Variants in GGH observed in about 807,000 individuals in gnomAD.
GGH encodes the protein gamma-Glu-X carboxypeptidase.
Under a neutral mutation model 39.2 loss-of-function variants are expected in GGH, and 18 were observed. That is an observed-to-expected ratio of 0.46 (90% CI 0.32 to 0.68). GGH has a LOEUF of 0.68. Ranked by LOEUF, GGH falls within the 30% of genes least tolerant of loss-of-function variation. GGH has a pLI of 0.04. For missense variants in GGH, 367 were observed against 384.1 expected, an observed-to-expected ratio of 0.96 and a Z score of 0.37; for synonymous variants, 147 against 138.8, an observed-to-expected ratio of 1.06 and a Z score of -0.42.
rs117723075 is a variant in GGH at position 63,019,393 on chromosome 8, G to C, written c.698-1763C>G. Among the ~76,000 whole-genome samples, 1,165 of 152,310 alleles carry C rather than the reference G, an allele frequency of 7.6e-3. 7 individuals carry two copies. The highest frequency in any genetic ancestry group is 0.012 in the Non-Finnish European group (825 of 68,026). Reference sequence around the variant, plus strand: ...ATCGGTGACAAAACCATTGCACACAGATCAGCTGCAGACAAGAGAAGAGCT... The same window carrying C: ...ATCGGTGACAAAACCATTGCACACACATCAGCTGCAGACAAGAGAAGAGCT... On this transcript the variant is annotated intron_variant, in intron 7 of 8. Transcript: ENST00000260118.
chr8:63,027,013 A>G (rs1804698883), intron 4 of GGH, 168 bp downstream of exon 4: 1 of 626,932 alleles, frequency 1.6e-6, no homozygotes, highest in South Asian at 1.8e-5. Context: ...TAGATGAAGC[A>G]CATGGAAAAT....
At chr8:63,021,405 G>A (rs2129644712) in intron 7 of GGH, among the ~76,000 whole-genome samples, 1 of 152,258 alleles carries the variant, frequency 6.6e-6, no homozygotes, top group South Asian at 2.1e-4. Flanking sequence ...TAACAAAACT[G>A]GAAAATGTTT....
intron 3 of GGH, among the ~76,000 whole-genome samples, chr8:63,029,752 C>T (rs574271813): frequency 6.6e-6 from 1 of 151,824 alleles, no homozygotes; most frequent in East Asian, 1.9e-4. Context: ...GCCTTCTTTC[C>T]TAAAATTAAG....
chr8:63,027,097 A>G (rs541905158), intron 4 of GGH, 84 bp downstream of exon 4: 2 of 776,818 alleles, frequency 2.6e-6, no homozygotes, highest in East Asian at 2.4e-5. Context: ...TGAAGGGAGC[A>G]TTACCATCTG....
At chr8:63,035,521 G>C in intron 2 of GGH, 135 bp downstream of exon 2, 1 of 1,288,916 alleles carries the variant, frequency 7.8e-7, no homozygotes, top group Non-Finnish European at 1.0e-6. Context: ...GGCCTGGCTG[G>C]TCTCGAACTC....
intron 1 of GGH, among the ~76,000 whole-genome samples, chr8:63,036,276 C>G (rs954931183): frequency 7.7e-4 from 117 of 152,162 alleles, no homozygotes; most frequent in African/African-American, 2.7e-3. Context: ...CTTAAGAAAC[C>G]CCCCCAAGCT....
intron 2 of GGH, among the ~76,000 whole-genome samples, chr8:63,034,972 C>A (rs1804874153): frequency 6.6e-6 from 1 of 152,036 alleles, no homozygotes; most frequent in South Asian, 2.1e-4. Flanking sequence ...TTTCAATGAA[C>A]CAGCCACCCG....
chr8:63,027,542 A>T (rs565182960), intron 3 of GGH, among the ~76,000 whole-genome samples: 8 of 152,208 alleles, frequency 5.3e-5, no homozygotes, highest in Non-Finnish European at 1.0e-4. Context: ...TTAAAAGTAA[A>T]TAAGTAGGGG....
intron 1 of GGH, among the ~76,000 whole-genome samples, chr8:63,037,309 G>A (rs989756614): frequency 1.6e-4 from 25 of 152,236 alleles, no homozygotes; most frequent in African/African-American, 5.3e-4. Flanking sequence ...AGTGGTACAG[G>A]GTACATGGGG....
chr8:63,035,818 G>C, intron 1 of GGH, 48 bp from the exon 2 acceptor site: 5 of 1,473,214 alleles, frequency 3.4e-6, no homozygotes, highest in Non-Finnish European at 4.7e-6. Context: ...TTTTCTTCTT[G>C]CTCAGAAACT....
At chr8:63,027,147 C>T (rs1804701984) in intron 4 of GGH, 34 bp downstream of exon 4, 4 of 978,048 alleles carry the variant, frequency 4.1e-6, no homozygotes, top group Non-Finnish European at 6.6e-6. Flanking sequence ...TTACAGAAAC[C>T]CATCTGGAAT....
chr8:63,038,761 C>T lies in GGH; in HGVS notation c.8G>A (p.Ser3Asn), dbSNP rs774186370. ...CAGCACGCACAGCAGGCAGCCCGGACTGGCCATGGCGCTCGCCGCCTCCCG... is the reference window on the plus strand; with the variant it reads ...CAGCACGCACAGCAGGCAGCCCGGATTGGCCATGGCGCTCGCCGCCTCCCG... MA[S>N]PGCLLCVLGL... is the part of the protein sequence containing the mutation. Residue 3 changes from serine to asparagine, a missense_variant, in exon 1 of 9, where the codon AGT becomes AAT. Physicochemically the swap from Ser to Asn is conservative, Grantham distance 46. Coordinates refer to ENST00000260118, the MANE Select transcript of GGH (RefSeq NM_003878.3). 1.3e-6 allele frequency: 2 copies of T among 1,543,340 alleles called. No individual in the cohort carries two copies. Among genetic ancestry groups the T allele is most frequent in the South Asian group, 1.2e-5 (1 of 83,666 alleles).
rs1220048498 is a variant in GGH, at chr8:63,036,190, GCC to G, written c.110-422_110-421del. ...TCCACACCTCTCCAACATTACCTTA[GCC>G]CAAGCTATCAATATCTACCCTCTCC... On this transcript the variant is annotated intron_variant, in intron 1 of 8. Coordinates refer to ENST00000260118, the MANE Select transcript of GGH (RefSeq NM_003878.3). Among the ~76,000 whole-genome samples the G allele has an allele frequency of 2.6e-5, 4 of 152,190 alleles. No homozygotes were observed. In the East Asian group the frequency reaches 7.7e-4, roughly 29 times the overall value.
intron 7 of GGH, 47 bp from the exon 8 acceptor site, chr8:63,017,677 G>A (rs1480053600): frequency 1.7e-6 from 2 of 1,176,258 alleles, no homozygotes; most frequent in Non-Finnish European, 2.4e-6. Context: ...GGTTTAAAAT[G>A]TTACTTATAA....
intron 2 of GGH, among the ~76,000 whole-genome samples, chr8:63,034,474 A>G (rs868132072): frequency 1.4e-4 from 21 of 152,236 alleles, no homozygotes; most frequent in Middle Eastern, 3.4e-3. Context: ...GTACAGAATA[A>G]ATAGTGTTTT....
Position 63,027,188 on chromosome 8 carries a change from G to A in GGH, c.353C>T (p.Ser118Phe). ...GCAATAACTGATATTTACCTGTATG[G>A]ACAAGTTATAAAATATTTTGGCCAC... ...AKVAKIFYNL[S>F]IQSFDDGDYF... Residue 118 changes from serine (S) to phenylalanine (F), a missense_variant, in exon 4 of 9, where the codon TCC (serine) becomes TTC (phenylalanine). Ser to Phe is a radical substitution (Grantham distance 155). Transcript: ENST00000260118. The A allele has an allele frequency of 7.0e-7, 1 of 1,427,216 alleles. No homozygotes were observed. The highest frequency in any genetic ancestry group is 9.9e-7 in the Non-Finnish European group (1 of 1,009,718). 88.4% of individuals were successfully genotyped at this position (1,427,216 alleles called of 1,614,324 possible).
intron 6 of GGH, 26 bp from the exon 7 acceptor site, chr8:63,024,023 G>A: frequency 6.5e-7 from 1 of 1,548,472 alleles, no homozygotes; most frequent in Non-Finnish European, 8.9e-7. Flanking sequence ...AAAACAAAAT[G>A]ATTACTTCTG....
At chr8:63,022,119 A>G (rs1245300946) in intron 7 of GGH, among the ~76,000 whole-genome samples, 4 of 152,000 alleles carry the variant, frequency 2.6e-5, no homozygotes, top group Non-Finnish European at 5.9e-5. Context: ...TACGAACACA[A>G]CTTCTTCATT....
intron 3 of GGH, among the ~76,000 whole-genome samples, chr8:63,027,707 CT>C (rs1354485558): frequency 6.6e-6 from 1 of 152,000 alleles, no homozygotes; most frequent in Non-Finnish European, 1.5e-5. Context: ...AAAGAACAAG[CT>C]GGTCATAAAA....
Sources: allele counts gnomAD v4.1 joint callset (sites outside exome capture counted in the v4.1 genomes callset), GRCh38; gene constraint gnomAD v4.1.1; transcripts MANE v1.5; gene names NCBI Gene and HGNC (gene_info 2026-07-23, HGNC 2026-07-21).